TAFA2: variants seen among roughly 807,000 people sequenced by gnomAD.
TAFA2 encodes chemokine-like protein TAFA-2.
Under a neutral mutation model 18.8 loss-of-function variants are expected in TAFA2, and 7 were observed. The observed-to-expected ratio is 0.37, with a 90% CI of 0.21 to 0.70. The LOEUF is 0.70. TAFA2 is among the 30% of genes least tolerant of loss of function. The pLI is 0.53. For synonymous variants in TAFA2, 60 were observed against 54.2 expected (o/e 1.11, Z -0.47); for missense variants, 122 against 158.1 (o/e 0.77, Z 1.23).
intron 1 of TAFA2, among the ~76,000 whole-genome samples, chr12:62,097,332 G>T (rs150990485): frequency 3.1e-4 from 47 of 152,224 alleles, no homozygotes; most frequent in Admixed American, 1.3e-3. Context: ...TTAAACTAAG[G>T]CCTAACAGAT....
intron 1 of TAFA2, among the ~76,000 whole-genome samples, chr12:61,878,396 A>G (rs538568264): frequency 6.6e-6 from 1 of 152,338 alleles, no homozygotes; most frequent in Non-Finnish European, 1.5e-5. Flanking sequence ...TGGCTCTACC[A>G]TATAACCTAC....
intron 1 of TAFA2, among the ~76,000 whole-genome samples, chr12:62,186,546 A>G (rs975442474): frequency 2.0e-5 from 3 of 152,172 alleles, no homozygotes; most frequent in Non-Finnish European, 2.9e-5. Context: ...AATCTACTGC[A>G]TAAAGCTACG....
intron 1 of TAFA2, among the ~76,000 whole-genome samples, chr12:62,182,127 C>T (rs928004284): frequency 1.3e-4 from 19 of 151,928 alleles, no homozygotes; most frequent in Non-Finnish European, 2.2e-4. Flanking sequence ...CTAAAATTGA[C>T]TTTGTATACT....
intron 1 of TAFA2, among the ~76,000 whole-genome samples, chr12:62,209,938 C>T (rs1254317441): frequency 6.6e-6 from 1 of 152,152 alleles, no homozygotes; most frequent in Non-Finnish European, 1.5e-5. Flanking sequence ...CAGGGGCTCA[C>T]GCCTGTAATC....
rs187162600 is a variant in TAFA2 at position 62,017,710 on chromosome 12, T to A, written c.-1-150284A>T. Among the ~76,000 whole-genome samples, 8 of 152,248 alleles carry A rather than the reference T, an allele frequency of 5.3e-5. No individual in the cohort carries two copies. In the East Asian group the frequency reaches 1.3e-3, roughly 26 times the overall value. ...ACCAGGTTATCTCACTAAAGTATGG[T>A]TCCTCTTGTTTTTCACATCAATATA... On this transcript the variant is annotated intron_variant, in intron 1 of 4. Transcript: ENST00000416284.
At position 62,155,697 on chromosome 12, in the gene TAFA2, G is replaced by C. The variant is rs181098067; in HGVS notation, c.-2+35562C>G. Among the ~76,000 whole-genome samples, 245 of 152,248 alleles carry C rather than the reference G, an allele frequency of 1.6e-3. 1 individual carries two copies. The highest frequency in any genetic ancestry group is 6.8e-3 in the Middle Eastern group (2 of 294). On this transcript the variant is annotated intron_variant, in intron 1 of 4. Transcript: ENST00000416284. ...AAACAAAAACCTAAAGTGGGGAAAG[G>C]ACACCCTTTTCAACAAATGGTGCTG...
chr12:61,870,124 G>T (rs1170415659), intron 1 of TAFA2, among the ~76,000 whole-genome samples: 2 of 152,172 alleles, frequency 1.3e-5, no homozygotes, highest in Non-Finnish European at 2.9e-5. Flanking sequence ...AAAGAAAGGA[G>T]AATGCAGGTC....
At chr12:61,799,666 C>CA (rs1307759176) in intron 2 of TAFA2, among the ~76,000 whole-genome samples, 1 of 151,930 alleles carries the variant, frequency 6.6e-6, no homozygotes, top group African/African-American at 2.4e-5. Flanking sequence ...ACTAAAAATA[C>CA]AAAAAATTAG....
intron 2 of TAFA2, among the ~76,000 whole-genome samples, chr12:61,852,623 T>C (rs1873722056): frequency 6.6e-6 from 1 of 152,130 alleles, no homozygotes; most frequent in South Asian, 2.1e-4. Flanking sequence ...CTCCCATAAA[T>C]ACTAAGAAGA....
intron 4 of TAFA2, among the ~76,000 whole-genome samples, chr12:61,716,323 A>T (rs370032363): frequency 6.6e-6 from 1 of 152,206 alleles, no homozygotes; most frequent in South Asian, 2.1e-4. Flanking sequence ...CAGAAAGGAT[A>T]CATATTTAGG....
At chr12:61,943,531 C>A (rs2121428682) in intron 1 of TAFA2, among the ~76,000 whole-genome samples, 2 of 145,492 alleles carry the variant, frequency 1.4e-5, no homozygotes, top group African/African-American at 5.0e-5. Context: ...GAGTCAAGAC[C>A]CATCAGTGTG....
chr12:62,157,166 T>C lies in TAFA2; in HGVS notation c.-2+34093A>G, dbSNP rs190758841. On this transcript the variant is annotated intron_variant, in intron 1 of 4. Transcript: ENST00000416284. ...AATGTTAAGTACAATTTTTTTACAATTATCTTCAATATCCAACAACATATA... is the reference window on the plus strand; with the variant it reads ...AATGTTAAGTACAATTTTTTTACAACTATCTTCAATATCCAACAACATATA... 1.6e-3 allele frequency among the ~76,000 whole-genome samples: 246 copies of C among 152,318 alleles called. 1 individual carries two copies. Among genetic ancestry groups the C allele is most frequent in the Middle Eastern group, 6.8e-3 (2 of 294 alleles).
At chr12:62,203,720 A>G (rs2062681038) in intron 1 of TAFA2, among the ~76,000 whole-genome samples, 2 of 152,118 alleles carry the variant, frequency 1.3e-5, no homozygotes, top group African/African-American at 4.8e-5. Context: ...TTTTGAGCCT[A>G]TGTGTGTCTT....
At position 62,209,959 on chromosome 12, in the gene TAFA2, G is replaced by A. The variant is rs181536910; in HGVS notation, c.-130+48804C>T. The stretch of plus-strand genomic sequence containing the variant: ...CTCACGCCTGTAATCCCAGCACCTT[G>A]GGAGGCCGAGGGAGGCAGATCACGA... On this transcript the variant is annotated intron_variant, in intron 1 of 5. Transcript: ENST00000551619. Among the ~76,000 whole-genome samples the A allele has an allele frequency of 4.8e-3, 725 of 152,288 alleles. 2 individuals carry two copies. Among genetic ancestry groups the A allele is most frequent in the Middle Eastern group, 0.01 (3 of 294 alleles).
intron 1 of TAFA2, chr12:62,021,629 A>C (rs767138554): frequency 1.7e-6 from 2 of 1,144,458 alleles, no homozygotes; most frequent in Non-Finnish European, 2.7e-6. Context: ...TTCTGTTCTG[A>C]GATGGGGTGG....
intron 1 of TAFA2, among the ~76,000 whole-genome samples, chr12:62,084,577 A>C (rs904000686): frequency 3.5e-4 from 54 of 152,294 alleles, no homozygotes; most frequent in African/African-American, 1.3e-3. Flanking sequence ...AATAGTCAAA[A>C]GCAAATTTCC....
intron 1 of TAFA2, among the ~76,000 whole-genome samples, chr12:62,063,953 T>C (rs775490371): frequency 1.3e-5 from 2 of 151,996 alleles, no homozygotes; most frequent in Non-Finnish European, 2.9e-5. Flanking sequence ...AAGCAACTTG[T>C]AGAAAAACAA....
In TAFA2 at chr12:61,753,699, C is replaced by T. The variant is rs868227999; in HGVS notation, c.307G>A (p.Glu103Lys). 7 of 1,612,646 alleles carry T rather than the reference C, an allele frequency of 4.3e-6. No individual in the cohort carries two copies. The Middle Eastern group carries it at 6.6e-4, about 152-fold the overall frequency. The stretch of plus-strand genomic sequence containing the variant: ...GGAAGAACTTTACATTCTTCTCCCT[C>T]TAGACATGGCTGCATATGGCACCAC... ...KWWCHMQPCL[E>K]GEECKVLPDR... Residue 103 changes from glutamate to lysine, a missense_variant, in exon 4 of 5, where the codon GAG becomes AAG. By Grantham distance (56) the Glu-to-Lys change is moderately conservative (BLOSUM62 1). Around this residue, in one of 2 missense-constraint regions of TAFA2, gnomAD observed 60 missense variants for 102.7 expected, o/e 0.58. Coordinates refer to ENST00000416284, the MANE Select transcript of TAFA2 (RefSeq NM_178539.5).
chr12:62,193,587 T>C (rs1389626785), upstream of TAFA2, among the ~76,000 whole-genome samples: 1 of 152,244 alleles, frequency 6.6e-6, no homozygotes, highest in Non-Finnish European at 1.5e-5. Context: ...ATATTTTGTA[T>C]CTAAAATGCA....
Sources: gnomAD v4.1 joint callset for allele counts (sites outside exome capture counted in the v4.1 genomes callset) on GRCh38, gnomAD v4.1.1 for gene constraint, gnomAD v4.1.1 regional missense constraint, MANE v1.5 for transcripts, NCBI Gene and HGNC (gene_info 2026-07-23, HGNC 2026-07-21) for gene names.